The following MFSD11 variants were observed in gnomAD, a reference collection of about 807,000 sequenced individuals.
MFSD11 encodes the protein major facilitator superfamily domain containing 11, also known as UNC93-like protein MFSD11.
Under a neutral mutation model 53.5 loss-of-function variants are expected in MFSD11, and 36 were observed. The observed-to-expected ratio is 0.67, with a 90% CI of 0.52 to 0.89. The LOEUF is 0.89. Among genes scored for constraint, MFSD11 ranks in the 40% least tolerant of loss-of-function variants. MFSD11 has a pLI of 0.00. For synonymous variants in MFSD11, 186 were observed against 184.9 expected, an observed-to-expected ratio of 1.01 and a Z score of -0.05; for missense variants, 530 against 543.9, an observed-to-expected ratio of 0.97 and a Z score of 0.25.
Position 76,778,537 on chromosome 17 carries a change from AAGT to A in MFSD11, c.*188_*190del. The A allele has an allele frequency of 3.7e-6, 2 of 538,550 alleles. No homozygotes were observed. Among genetic ancestry groups the A allele is most frequent in the Non-Finnish European group, 6.5e-6 (2 of 308,084 alleles). 33.4% of individuals were successfully genotyped at this position (538,550 alleles called of 1,614,324 possible). A position where few individuals can be genotyped will look rare whatever the true frequency, so the allele number is the denominator to read the frequency against. ...TTTACAGATATGAGTTATTTAAAGC[AAGT>A]AGAATAAGGGAAAGCTGTTCTGTCA... On this transcript the variant is annotated 3_prime_UTR_variant, in exon 13 of 13. Transcript: ENST00000685175.
In MFSD11 at chr17:76,776,948, T is replaced by A. The variant is rs2081888325; in HGVS notation, c.1185+407T>A. 6.6e-6 allele frequency among the ~76,000 whole-genome samples: 1 copy of A among 150,648 alleles called. No homozygotes were observed. Among genetic ancestry groups the A allele is most frequent in the South Asian group, 2.2e-4 (1 of 4,564 alleles). On this transcript the variant is annotated intron_variant, in intron 12 of 12. Coordinates refer to ENST00000685175, the MANE Select transcript of MFSD11 (RefSeq NM_001242532.5). This position sits in a 1 kb window ranked among gnomAD's most constrained non-coding sequence, Gnocchi z 4.2. ...GATTATATGCGTGAGCCACCGCACC[T>A]GGTCTATTTTTTTATTTTATTTTTT... is the stretch of plus-strand genomic sequence containing the variant.
At chr17:76,787,213 G>A in the MFSD11 span, among the ~76,000 whole-genome samples, 7 of 145,324 alleles carry the variant, frequency 4.8e-5, no homozygotes, top group East Asian at 4.1e-4. Context: ...TCGACTCACC[G>A]CAACCTCCGC....
chr17:76,737,424 G>C (rs2077574213), upstream of MFSD11: 1 of 406,666 alleles, frequency 2.5e-6, no homozygotes, highest in Admixed American at 4.2e-5. Flanking sequence ...TTGGCCCACC[G>C]CGCCCCGCTT....
At chr17:76,737,312 A>G (rs989516156), upstream of MFSD11, 15 of 1,095,480 alleles carry the variant, frequency 1.4e-5, no homozygotes, top group African/African-American at 8.0e-5. Context: ...TCCGCAGGCT[A>G]GCGCACCTGA....
At chr17:76,759,112 C>G (rs1006524890) in intron 8 of MFSD11, among the ~76,000 whole-genome samples, 22 of 151,950 alleles carry the variant, frequency 1.4e-4, no homozygotes, top group African/African-American at 5.3e-4. Context: ...TAAAAATTAG[C>G]TGGGAATGGT....
intron 10 of MFSD11, among the ~76,000 whole-genome samples, chr17:76,770,760 G>T (rs1464654438): frequency 6.6e-6 from 1 of 152,218 alleles, no homozygotes; most frequent in East Asian, 1.9e-4. Context: ...AAAGGATACA[G>T]ATGAGCAGCC....
intron 7 of MFSD11, among the ~76,000 whole-genome samples, chr17:76,751,809 T>C (rs1379093818): frequency 2.0e-5 from 3 of 152,204 alleles, no homozygotes; most frequent in Non-Finnish European, 2.9e-5. Context: ...ATTATCTTAT[T>C]TAATTCCCAT....
rs555350303 is a variant in MFSD11 at position 76,778,610 on chromosome 17, A to C, written c.*258A>C. On this transcript the variant is annotated 3_prime_UTR_variant, in exon 13 of 13. Transcript: ENST00000685175. ...GTTGTTTTTCATTTCATCTATCTCA[A>C]TTCTTATAATCATGTTATAGAATGT... 2.5e-6 allele frequency: 1 copy of C among 407,552 alleles called. No individual in the cohort carries two copies. Among genetic ancestry groups the C allele is most frequent in the Admixed American group, 4.0e-5 (1 of 25,100 alleles). 25.2% of individuals were successfully genotyped at this position (407,552 alleles called of 1,614,324 possible). A position where few individuals can be genotyped will look rare whatever the true frequency, so the allele number is the denominator to read the frequency against.
chr17:76,770,260 G>T lies in MFSD11; in HGVS notation c.874+389G>T, dbSNP rs1228407668. ...TCACCGCATTAGCCAGGATGGTCTC[G>T]ATCTCCTGACCTCATGATCCGCCCA... On this transcript the variant is annotated intron_variant, in intron 10 of 12. Transcript: ENST00000685175. Among the ~76,000 whole-genome samples the T allele has an allele frequency of 2.0e-5, 3 of 151,892 alleles. No individual in the cohort carries two copies. The East Asian group carries it at 5.8e-4, about 29-fold the overall frequency.
At chr17:76,746,310 C>T (rs903244758) in intron 7 of MFSD11, among the ~76,000 whole-genome samples, 2 of 152,070 alleles carry the variant, frequency 1.3e-5, no homozygotes, top group South Asian at 2.1e-4. Context: ...GAGGTTGGTT[C>T]GTGAGGATCA....
chr17:76,798,316 G>GCCACCCTCCCAGCACC, the MFSD11 span, among the ~76,000 whole-genome samples: 2 of 152,298 alleles, frequency 1.3e-5, no homozygotes, highest in South Asian at 2.1e-4. Flanking sequence ...GTCCAGGGAT[G>GCCACCCTCCCAGCACC]CCACCCTCCC....
At position 76,741,028 on chromosome 17, in the gene MFSD11, C is replaced by G. The variant is rs2078030589; in HGVS notation, c.224C>G (p.Pro75Arg). The G allele has an allele frequency of 6.2e-7, 1 of 1,612,222 alleles. No homozygotes were observed. The highest frequency in any genetic ancestry group is 2.2e-5 in the East Asian group (1 of 44,832). ...CCGTCAGTGGTTGCCATTGTAGGACCTCAACTCTCTATGTTTGCCAGTGGT... is the reference window on the plus strand; with the variant it reads ...CCGTCAGTGGTTGCCATTGTAGGACGTCAACTCTCTATGTTTGCCAGTGGT... The part of the protein sequence containing the change: ...ITPSVVAIVG[P>R]QLSMFASGLF... Residue 75 changes from proline to arginine, a missense_variant, in exon 3 of 13, where the codon CCT (proline) becomes CGT (arginine). Transcript: ENST00000685175.
chr17:76,769,762 C>G lies in MFSD11; in HGVS notation c.765C>G (p.Phe255Leu), dbSNP rs1370395709. The G allele has an allele frequency of 6.3e-7, 1 of 1,596,444 alleles. No homozygotes were observed. The highest frequency in any genetic ancestry group is 1.4e-5 in the African/African-American group (1 of 73,836). The part of the protein sequence containing the change: ...TTAYTGLELT[F>L]FSGVYGTCIG... ...TAACTAAAGGTCTGGAATTAACTTT[C>G]TTCTCTGGTGTATATGGAACCTGTA... Residue 255 changes from phenylalanine to leucine, a missense_variant, in exon 10 of 13, where the codon TTC becomes TTG. Physicochemically the swap from Phe to Leu is conservative, Grantham distance 22. Coordinates refer to ENST00000685175, the MANE Select transcript of MFSD11 (RefSeq NM_001242532.5).
upstream of MFSD11, chr17:76,736,879 G>A (rs1313655487): frequency 8.1e-6 from 13 of 1,611,398 alleles, no homozygotes; most frequent in East Asian, 2.2e-5. Flanking sequence ...AGTCCGGGGG[G>A]CGGCCGTAGC....
chr17:76,763,076 T>G (rs1032540161), intron 8 of MFSD11, among the ~76,000 whole-genome samples: 2 of 151,988 alleles, frequency 1.3e-5, no homozygotes, highest in Admixed American at 6.6e-5. Context: ...GTGTACAAGT[T>G]TTTGTGTGGA....
At chr17:76,784,480 C>T (rs1009230199), downstream of MFSD11, among the ~76,000 whole-genome samples, 4 of 152,018 alleles carry the variant, frequency 2.6e-5, no homozygotes, top group Non-Finnish European at 5.9e-5. Flanking sequence ...TTGCAGTGAG[C>T]TGAGATCGTG....
chr17:76,786,126 A>G (rs924423565), downstream of MFSD11, among the ~76,000 whole-genome samples: 10 of 141,440 alleles, frequency 7.1e-5, no homozygotes, highest in African/African-American at 2.6e-4. Context: ...AGACACAAGC[A>G]CTCCTGGAGC....
rs1038245110 is a variant in MFSD11, at chr17:76,744,180, C to T, written c.497-142C>T. 7.0e-6 allele frequency: 5 copies of T among 717,770 alleles called. No individual in the cohort carries two copies. The African/African-American group carries it at 7.4e-5, about 11-fold the overall frequency. 44.5% of individuals were successfully genotyped at this position (717,770 alleles called of 1,614,324 possible). On this transcript the variant is annotated intron_variant, in intron 6 of 12. Coordinates refer to ENST00000685175, the MANE Select transcript of MFSD11 (RefSeq NM_001242532.5). ...AAGGTGAAGGTATCCTATTTGTCTC[C>T]TTTTCCTAGGTTTTTACTGATGCAT...
upstream of MFSD11, chr17:76,737,099 A>C: frequency 6.2e-7 from 1 of 1,611,128 alleles, no homozygotes; most frequent in African/African-American, 1.3e-5. Flanking sequence ...GCGGTAGGTC[A>C]GGTTGTCCAC....
Sources: allele counts gnomAD v4.1 joint callset (sites outside exome capture counted in the v4.1 genomes callset), GRCh38; gene constraint gnomAD v4.1.1; non-coding constraint Gnocchi (gnomAD v3.1); transcripts MANE v1.5; gene names NCBI Gene and HGNC (gene_info 2026-07-23, HGNC 2026-07-21).